POMT2: variants seen among roughly 807,000 people sequenced by gnomAD.
POMT2 encodes the protein protein O-mannosyltransferase 2.
Under a neutral mutation model 100.0 loss-of-function variants are expected in POMT2, and 75 were observed. The observed-to-expected ratio is 0.75, with a 90% CI of 0.62 to 0.91. The LOEUF (loss-of-function observed/expected upper bound fraction) is 0.91. Among genes scored for constraint, POMT2 ranks in the 40% least tolerant of loss-of-function variants. The pLI is 0.00. For synonymous variants in POMT2, 378 were observed against 374.1 expected (o/e 1.01, Z -0.12); for missense variants, 940 against 955.1 (o/e 0.98, Z 0.21).
chr14:77,312,070 A>C (rs750722077), intron 1 of POMT2, 37 bp from the exon 2 acceptor site: 144 of 1,608,086 alleles, frequency 9.0e-5, no homozygotes, highest in Non-Finnish European at 1.2e-4. Flanking sequence ...AGAATTTTAA[A>C]ATTATCATAA....
chr14:77,282,264 A>T (rs768527514), intron 15 of POMT2, among the ~76,000 whole-genome samples: 1 of 152,186 alleles, frequency 6.6e-6, no homozygotes, highest in Admixed American at 6.5e-5. Context: ...GGAAAGAAAA[A>T]TCTGCAACCA....
At chr14:77,319,267 C>CTGTA (rs1322426189) in intron 1 of POMT2, among the ~76,000 whole-genome samples, 1 of 152,164 alleles carries the variant, frequency 6.6e-6, no homozygotes, top group East Asian at 1.9e-4. Context: ...GAGGTAAATA[C>CTGTA]TGTAAGCTGG....
At chr14:77,279,503 T>C (rs1319032597) in intron 18 of POMT2, 1 of 516,808 alleles carries the variant, frequency 1.9e-6, no homozygotes, top group Non-Finnish European at 3.7e-6. Context: ...TGGAGTCAGA[T>C]TGCACGGGTT....
At chr14:77,300,723 G>C (rs1566655904) in intron 6 of POMT2, 13 of 284,568 alleles carry the variant, frequency 4.6e-5, no homozygotes, top group Non-Finnish European at 4.1e-5. Context: ...GGGAGGCTGA[G>C]GCAAAAGAAT....
intron 15 of POMT2, among the ~76,000 whole-genome samples, chr14:77,283,098 TAGAG>T (rs1890288631): frequency 6.6e-6 from 1 of 152,240 alleles, no homozygotes; most frequent in Non-Finnish European, 1.5e-5. Flanking sequence ...CTACTAATGA[TAGAG>T]AGTGCAAACA....
rs146748611 is a variant in POMT2, at chr14:77,281,366, T to C, written c.1654-903A>G. Among the ~76,000 whole-genome samples the C allele has an allele frequency of 8.6e-4, 131 of 152,284 alleles. 1 individual carries two copies. The highest frequency in any genetic ancestry group is 2.9e-3 in the African/African-American group (121 of 41,558). On this transcript the variant is annotated intron_variant, in intron 15 of 20. Coordinates refer to ENST00000261534, the MANE Select transcript of POMT2 (RefSeq NM_013382.7). ...GTACATCTTACTTGTGCTTTATACA[T>C]AAAAAATTAGATATTTTGCCCTCCA...
intron 8 of POMT2, among the ~76,000 whole-genome samples, chr14:77,298,187 T>G (rs946143233): frequency 2.0e-5 from 3 of 152,124 alleles, no homozygotes; most frequent in African/African-American, 7.2e-5. Context: ...CTGATGCCCT[T>G]AACCGCCCAG....
chr14:77,299,595 T>G (rs1317843241), intron 6 of POMT2, 34 bp from the exon 7 acceptor site: 2 of 1,494,406 alleles, frequency 1.3e-6, no homozygotes, highest in South Asian at 2.3e-5. Flanking sequence ...GTGCTAGGCA[T>G]GTGAGACCTC....
intron 15 of POMT2, among the ~76,000 whole-genome samples, chr14:77,280,955 G>A (rs948975779): frequency 3.3e-5 from 5 of 152,066 alleles, no homozygotes; most frequent in African/African-American, 7.2e-5. Flanking sequence ...TTAGCTGAGC[G>A]TAGCGGTGGG....
At chr14:77,287,428 AAATT>A (rs1566648679) in intron 11 of POMT2, among the ~76,000 whole-genome samples, 1 of 151,962 alleles carries the variant, frequency 6.6e-6, no homozygotes, top group South Asian at 2.1e-4. Context: ...ATGACAAATG[AAATT>A]TATTTAATAA....
chr14:77,280,897 G>C (rs1191457469), intron 15 of POMT2, among the ~76,000 whole-genome samples: 1 of 152,086 alleles, frequency 6.6e-6, no homozygotes, highest in Non-Finnish European at 1.5e-5. Context: ...TTCAAGACCA[G>C]CCTGGCCAAC....
At chr14:77,306,252 C>G (rs185412957) in intron 3 of POMT2, 85 bp downstream of exon 3, 586 of 1,582,946 alleles carry the variant, frequency 3.7e-4, no homozygotes, top group Non-Finnish European at 4.9e-4. Context: ...GCACCTGCCA[C>G]CACGCCAGGG....
intron 11 of POMT2, among the ~76,000 whole-genome samples, chr14:77,288,436 T>C (rs998128291): frequency 2.6e-5 from 4 of 152,108 alleles, no homozygotes; most frequent in Non-Finnish European, 5.9e-5. Flanking sequence ...TTTGGGAGGC[T>C]GAAGCGGGAG....
chr14:77,280,195 G>A, intron 16 of POMT2, 115 bp from the exon 17 acceptor site: 1 of 1,588,090 alleles, frequency 6.3e-7, no homozygotes, highest in South Asian at 1.1e-5. Context: ...CGAACCTCAG[G>A]CTGGCAAATT....
chr14:77,301,601 C>T (rs1322565134), intron 5 of POMT2, among the ~76,000 whole-genome samples: 9 of 152,220 alleles, frequency 5.9e-5, no homozygotes, highest in African/African-American at 2.2e-4. Flanking sequence ...TCAGGCAGCC[C>T]TCTCCTTTGT....
chr14:77,316,272 C>A (rs1226976848), intron 1 of POMT2, among the ~76,000 whole-genome samples: 1 of 152,156 alleles, frequency 6.6e-6, no homozygotes, highest in Admixed American at 6.5e-5. Context: ...GTTTAACAAG[C>A]CTCACTGATC....
At chr14:77,302,591 G>C (rs1231269937) in intron 5 of POMT2, among the ~76,000 whole-genome samples, 2 of 152,020 alleles carry the variant, frequency 1.3e-5, no homozygotes, top group East Asian at 1.9e-4. Context: ...GCTTGAAAAA[G>C]ACAACTGACA....
intron 6 of POMT2, chr14:77,299,829 A>G (rs1890957734): frequency 2.4e-6 from 1 of 422,924 alleles, no homozygotes; most frequent in Non-Finnish European, 4.5e-6. Context: ...AGGACAAGGC[A>G]CCTGCATCTG....
At chr14:77,320,224 T>C in intron 1 of POMT2, 2 of 776,704 alleles carry the variant, frequency 2.6e-6, no homozygotes, top group Non-Finnish European at 4.2e-6. Flanking sequence ...CCTCAGATAC[T>C]AAGAATCCCA....
Sources: gnomAD v4.1 joint callset for allele counts (sites outside exome capture counted in the v4.1 genomes callset) on GRCh38, gnomAD v4.1.1 for gene constraint, MANE v1.5 for transcripts, NCBI Gene and HGNC (gene_info 2026-07-23, HGNC 2026-07-21) for gene names.